CNTN1: variants seen among roughly 807,000 people sequenced by gnomAD.
The protein encoded by CNTN1 is contactin-1.
A neutral mutation model predicts 126.4 loss-of-function variants in CNTN1; 38 were observed. That is an observed-to-expected ratio of 0.30 (90% CI 0.23 to 0.39). The LOEUF is 0.39. Ranked by LOEUF, CNTN1 falls within the 10% of genes least tolerant of loss-of-function variation. CNTN1 has a pLI of 1.00. For missense variants in CNTN1, 1,009 were observed against 1,248.4 expected (o/e 0.81, Z 2.89); for synonymous variants, 413 against 422.6 (o/e 0.98, Z 0.28).
intron 1 of CNTN1, among the ~76,000 whole-genome samples, chr12:40,897,402 A>G (rs941701956): frequency 1.3e-5 from 2 of 152,154 alleles, no homozygotes; most frequent in African/African-American, 4.8e-5. Flanking sequence ...TGTTATTACT[A>G]ACTGGGGCTT....
intron 13 of CNTN1, 122 bp downstream of exon 13, chr12:40,943,846 T>C (rs1238795619): frequency 7.1e-7 from 1 of 1,416,206 alleles, no homozygotes; most frequent in Non-Finnish European, 9.7e-7. Context: ...GGCAAGTTTC[T>C]TGCTTGATGA....
chr12:41,070,362 G>A lies in CNTN1; in HGVS notation c.*327G>A, dbSNP rs1027016812. The A allele has an allele frequency of 1.0e-5, 4 of 381,980 alleles. No homozygotes were observed. Among genetic ancestry groups the A allele is most frequent in the Non-Finnish European group, 2.0e-5 (4 of 201,984 alleles). The allele number at this position is 381,980 out of a possible 1,614,324, so 23.7% of individuals were successfully genotyped here. ...GTTCAATTCAATACTATAGGCTGTA[G>A]AGTGAAAGTCAAATCACCATATACA... On this transcript the variant is annotated 3_prime_UTR_variant, in exon 24 of 24. Transcript: ENST00000551295.
At chr12:41,026,681 G>T (rs1949044294) in intron 21 of CNTN1, among the ~76,000 whole-genome samples, 1 of 152,146 alleles carries the variant, frequency 6.6e-6, no homozygotes, top group Non-Finnish European at 1.5e-5. Flanking sequence ...CAATTACGGA[G>T]AACCTTGTAA....
Position 41,070,057 on chromosome 12 carries a change from T to C in CNTN1, c.*22T>C. The C allele has an allele frequency of 6.2e-7, 1 of 1,608,260 alleles. No homozygotes were observed. Among genetic ancestry groups the C allele is most frequent in the Non-Finnish European group, 8.5e-7 (1 of 1,174,878 alleles). On this transcript the variant is annotated 3_prime_UTR_variant, in exon 24 of 24. Coordinates refer to ENST00000551295, the MANE Select transcript of CNTN1 (RefSeq NM_001843.4). ...CTGAATGTGTTGTGACAGCTGCTGT[T>C]CCCATCCCAGCTCAGAAGACACCCT...
intron 1 of CNTN1, among the ~76,000 whole-genome samples, chr12:40,832,700 C>A (rs1466791398): frequency 1.3e-5 from 2 of 152,124 alleles, no homozygotes; most frequent in Non-Finnish European, 2.9e-5. Context: ...GAAGGACCAC[C>A]CTTCCTAGGT....
intron 23 of CNTN1, among the ~76,000 whole-genome samples, chr12:41,050,204 T>G (rs1395251833): frequency 6.6e-6 from 1 of 152,194 alleles, no homozygotes; most frequent in African/African-American, 2.4e-5. Flanking sequence ...CCAGTCAAGA[T>G]GTCTATAATA....
chr12:40,959,681 T>C (rs1291331645), intron 15 of CNTN1, among the ~76,000 whole-genome samples: 1 of 152,142 alleles, frequency 6.6e-6, no homozygotes, highest in Non-Finnish European at 1.5e-5. Flanking sequence ...ATCATGTTTT[T>C]ATTTGTTGCT....
chr12:40,808,606 T>C (rs1940946872), intron 1 of CNTN1, among the ~76,000 whole-genome samples: 1 of 152,180 alleles, frequency 6.6e-6, no homozygotes, highest in South Asian at 2.1e-4. Flanking sequence ...ATGATGACTG[T>C]GATTTTTTTA....
At chr12:40,917,568 T>G (rs11179040) in intron 3 of CNTN1, among the ~76,000 whole-genome samples, 78,018 of 151,924 alleles carry the variant, frequency 0.51, 20,577 homozygotes, top group African/African-American at 0.65. Context: ...AAAATATTTG[T>G]GTGCCATTGT....
intron 15 of CNTN1, among the ~76,000 whole-genome samples, chr12:40,969,713 G>A (rs1435243122): frequency 6.6e-6 from 1 of 152,198 alleles, no homozygotes; most frequent in Admixed American, 6.5e-5. Flanking sequence ...TGAGGTTCAT[G>A]TGCATTTTCC....
chr12:41,011,493 TG>T (rs1948652361), intron 17 of CNTN1, among the ~76,000 whole-genome samples: 1 of 152,218 alleles, frequency 6.6e-6, no homozygotes, highest in South Asian at 2.1e-4. Context: ...AGAAAGACAG[TG>T]GGGGTGTCCC....
At chr12:40,848,294 A>T (rs951719284) in intron 1 of CNTN1, among the ~76,000 whole-genome samples, 1 of 152,124 alleles carries the variant, frequency 6.6e-6, no homozygotes, top group Non-Finnish European at 1.5e-5. Flanking sequence ...ATTTCCCCCA[A>T]TTTCATTTAT....
chr12:40,810,243 G>C (rs1312091101), intron 1 of CNTN1, among the ~76,000 whole-genome samples: 1 of 151,950 alleles, frequency 6.6e-6, no homozygotes, highest in African/African-American at 2.4e-5. Flanking sequence ...AGGTATACTT[G>C]ACAAATAAAA....
intron 1 of CNTN1, among the ~76,000 whole-genome samples, chr12:40,749,512 AT>A (rs573374559): frequency 8.6e-5 from 13 of 152,026 alleles, no homozygotes; most frequent in Non-Finnish European, 1.5e-4. Context: ...ATAATTCAAT[AT>A]TTTTTTTGTT....
At chr12:40,919,674 T>C (rs1945366862) in intron 4 of CNTN1, among the ~76,000 whole-genome samples, 1 of 152,156 alleles carries the variant, frequency 6.6e-6, no homozygotes, top group African/African-American at 2.4e-5. Flanking sequence ...ACCCATTTGA[T>C]TCTAACAGTA....
chr12:40,754,325 T>C (rs987206329), intron 1 of CNTN1, among the ~76,000 whole-genome samples: 1 of 152,128 alleles, frequency 6.6e-6, no homozygotes, highest in Non-Finnish European at 1.5e-5. Flanking sequence ...AAATTCACAA[T>C]GTTCAAGTCC....
Position 40,940,916 on chromosome 12 carries a change from G to A in CNTN1, c.1379+1431G>A, listed in dbSNP as rs74078660. ...CCATGATCAAAGGGCAGCTACATGTGTAGGTGCTTACTCCTTCCACAGCCT... is the reference window on the plus strand; with the variant it reads ...CCATGATCAAAGGGCAGCTACATGTATAGGTGCTTACTCCTTCCACAGCCT... On this transcript the variant is annotated intron_variant, in intron 12 of 23. Coordinates refer to ENST00000551295, the MANE Select transcript of CNTN1 (RefSeq NM_001843.4). Among the ~76,000 whole-genome samples the A allele has an allele frequency of 3.4e-3, 525 of 152,322 alleles. 1 individual carries two copies. The highest frequency in any genetic ancestry group is 0.012 in the African/African-American group (512 of 41,568).
chr12:40,908,062 C>A (rs896372087), intron 1 of CNTN1, among the ~76,000 whole-genome samples: 1 of 152,184 alleles, frequency 6.6e-6, no homozygotes, highest in Non-Finnish European at 1.5e-5. Flanking sequence ...GAAACCTAAA[C>A]ACATGATTGA....
intron 23 of CNTN1, among the ~76,000 whole-genome samples, chr12:41,047,431 T>G (rs1949569151): frequency 6.6e-6 from 1 of 152,114 alleles, no homozygotes; most frequent in East Asian, 1.9e-4. Context: ...CCTTCTGCAG[T>G]CTATTCAAAA....
Sources: allele counts gnomAD v4.1 joint callset (sites outside exome capture counted in the v4.1 genomes callset), GRCh38; gene constraint gnomAD v4.1.1; transcripts MANE v1.5; gene names NCBI Gene and HGNC (gene_info 2026-07-23, HGNC 2026-07-21).